Variants in ZNF143 observed in about 807,000 individuals in gnomAD.
The protein encoded by ZNF143 is zinc finger protein 143.
ZNF143 carries 49 observed loss-of-function variants against 74.1 expected under a neutral mutation model. The ratio of observed to expected loss-of-function variants is 0.66; its 90% confidence interval spans 0.53 to 0.84. ZNF143 has a LOEUF of 0.84. Ranked by LOEUF, ZNF143 falls within the 40% of genes least tolerant of loss-of-function variation. The pLI, the probability that ZNF143 is intolerant of heterozygous loss-of-function variation, is 0.00. For synonymous variants in ZNF143, 304 were observed against 282.8 expected, an observed-to-expected ratio of 1.07 and a Z score of -0.75; for missense variants, 637 against 793.4, an observed-to-expected ratio of 0.80 and a Z score of 2.37.
In ZNF143 at chr11:9,508,758, C is replaced by T. The variant is rs897152809; in HGVS notation, c.1287C>T (p.Ile429=). The change falls in exon 12 of 16, where the codon ATC becomes ATT. Residue 429 remains isoleucine, a synonymous_variant. Transcript: ENST00000396602. ...ACTGTGGGAAGACATACAAGCAGATCTCCACGCTGGCCATGCACAAACGGA... is the reference window on the plus strand; with the variant it reads ...ACTGTGGGAAGACATACAAGCAGATTTCCACGCTGGCCATGCACAAACGGA... ...CNHCGKTYKQ[I]STLAMHKRTA... 6.2e-7 allele frequency: 1 copy of T among 1,613,272 alleles called. No homozygotes were observed. The highest frequency in any genetic ancestry group is 8.5e-7 in the Non-Finnish European group (1 of 1,179,600).
chr11:9,484,532 A>G (rs1847379996), intron 7 of ZNF143, among the ~76,000 whole-genome samples: 1 of 149,316 alleles, frequency 6.7e-6, no homozygotes, highest in Non-Finnish European at 1.5e-5. Flanking sequence ...TGCTTTTCTA[A>G]GTCTCTTTTT....
intron 11 of ZNF143, among the ~76,000 whole-genome samples, chr11:9,502,756 A>G (rs1848213459): frequency 6.6e-6 from 1 of 151,368 alleles, no homozygotes; most frequent in Non-Finnish European, 1.5e-5. Context: ...CCCGCCCCCC[A>G]GGTGTAAGCA....
At chr11:9,522,225 T>C (rs1333973207) in intron 14 of ZNF143, among the ~76,000 whole-genome samples, 1 of 151,834 alleles carries the variant, frequency 6.6e-6, no homozygotes, top group Non-Finnish European at 1.5e-5. Context: ...AAATAAGGAC[T>C]GGGCGCAGTG....
intron 11 of ZNF143, among the ~76,000 whole-genome samples, chr11:9,507,529 C>T (rs572329557): frequency 2.6e-5 from 4 of 152,326 alleles, no homozygotes; most frequent in Admixed American, 2.6e-4. Context: ...TTCTTCCCCT[C>T]ACTCTCGCCA....
chr11:9,472,911 ATTC>A, intron 3 of ZNF143, 142 bp downstream of exon 3: 1 of 420,318 alleles, frequency 2.4e-6, no homozygotes, highest in East Asian at 3.9e-5. Flanking sequence ...TTTCAGTTTA[ATTC>A]TTTTTTTTTT....
Position 9,494,725 on chromosome 11 carries a change from A to T in ZNF143, c.725A>T (p.Asp242Val), listed in dbSNP as rs1453736651. ...SGEKAFRCEYDGCGKLYTTAH... is the reference protein window; with the variant it reads ...SGEKAFRCEYVGCGKLYTTAH... ...GAGAAGGCATTTCGATGTGAATATG[A>T]TGGATGTGGAAAATTATATACAACA... is the stretch of plus-strand genomic sequence containing the variant. The change falls in exon 8 of 16, where the codon GAT (aspartate) becomes GTT (valine). Residue 242 changes from aspartate to valine, a missense_variant. Physicochemically the swap from Asp to Val is radical, Grantham distance 152. This residue lies in a region of ZNF143 where 293 missense variants were observed against 307.8 expected (regional missense o/e 0.95). Coordinates refer to ENST00000396602, the MANE Select transcript of ZNF143 (RefSeq NM_003442.6). 6.2e-7 allele frequency: 1 copy of T among 1,613,218 alleles called. No individual in the cohort carries two copies. Among genetic ancestry groups the T allele is most frequent in the Non-Finnish European group, 8.5e-7 (1 of 1,179,148 alleles).
intron 1 of ZNF143, among the ~76,000 whole-genome samples, chr11:9,462,411 AT>A (rs906871286): frequency 2.6e-5 from 4 of 152,066 alleles, no homozygotes; most frequent in African/African-American, 7.2e-5. Context: ...TACAAAAAAA[AT>A]TTTTTTTAAG....
At chr11:9,492,162 G>A (rs1415053351) in intron 7 of ZNF143, among the ~76,000 whole-genome samples, 1 of 146,484 alleles carries the variant, frequency 6.8e-6, no homozygotes, top group Non-Finnish European at 1.5e-5. Flanking sequence ...CCAGGCTGGA[G>A]TGCAGTGGCG....
intron 14 of ZNF143, among the ~76,000 whole-genome samples, chr11:9,521,939 G>A (rs1421613911): frequency 6.6e-6 from 1 of 151,892 alleles, no homozygotes; most frequent in Non-Finnish European, 1.5e-5. Context: ...GGTGGCGCAT[G>A]CCAGTAGTCC....
chr11:9,492,936 A>G (rs1847833251), intron 7 of ZNF143, among the ~76,000 whole-genome samples: 1 of 152,214 alleles, frequency 6.6e-6, no homozygotes, highest in Non-Finnish European at 1.5e-5. Context: ...GTTTGGAATG[A>G]TGACAACAGG....
intron 12 of ZNF143, among the ~76,000 whole-genome samples, chr11:9,509,257 T>A (rs539946853): frequency 1.3e-5 from 2 of 152,154 alleles, no homozygotes; most frequent in Admixed American, 6.6e-5. Flanking sequence ...CAGTTCTGCC[T>A]GGGAAGGTGA....
At chr11:9,510,198 C>T (rs1848493056) in intron 12 of ZNF143, among the ~76,000 whole-genome samples, 1 of 151,254 alleles carries the variant, frequency 6.6e-6, no homozygotes, top group Non-Finnish European at 1.5e-5. Context: ...GATCTCGGCT[C>T]ACTGCAAGCT....
intron 5 of ZNF143, 113 bp downstream of exon 5, chr11:9,474,746 CATTA>C (rs1478863178): frequency 5.6e-5 from 61 of 1,098,936 alleles, no homozygotes; most frequent in Non-Finnish European, 7.7e-5. Context: ...TGTATTTATT[CATTA>C]AAGTACAAGG....
chr11:9,491,516 C>T (rs1847775915), intron 7 of ZNF143, among the ~76,000 whole-genome samples: 1 of 151,804 alleles, frequency 6.6e-6, no homozygotes. Context: ...GCGGGCGCCT[C>T]TAGTCCCAGC....
In ZNF143 at chr11:9,489,636, T is replaced by G. The variant is rs949169519; in HGVS notation, c.646-5010T>G. Among the ~76,000 whole-genome samples the G allele has an allele frequency of 1.2e-4, 18 of 152,302 alleles. No homozygotes were observed. In the South Asian group the frequency reaches 3.5e-3, roughly 30 times the overall value. Reference sequence around the variant, plus strand: ...AATAGAATAACAGAAAAGATTCAGATATGAGTCTCTCTGGAGTTATTTGCT... The same window carrying G: ...AATAGAATAACAGAAAAGATTCAGAGATGAGTCTCTCTGGAGTTATTTGCT... On this transcript the variant is annotated intron_variant, in intron 7 of 15. Coordinates refer to ENST00000396602, the MANE Select transcript of ZNF143 (RefSeq NM_003442.6).
At position 9,522,119 on chromosome 11, in the gene ZNF143, T is replaced by C. The variant is rs1848953994; in HGVS notation, c.1687-3121T>C. Among the ~76,000 whole-genome samples, 3 of 147,978 alleles carry C rather than the reference T, an allele frequency of 2.0e-5. No individual in the cohort carries two copies. In the South Asian group the frequency reaches 6.4e-4, roughly 32 times the overall value. ...AGGTAAAGCAATTCTTAGAGGAAAA[T>C]TTCTTTTAAATGCTTGTATTGGAAA... On this transcript the variant is annotated intron_variant, in intron 14 of 15. Coordinates refer to ENST00000396602, the MANE Select transcript of ZNF143 (RefSeq NM_003442.6).
At chr11:9,480,111 C>T (rs1270516846) in intron 7 of ZNF143, among the ~76,000 whole-genome samples, 1 of 152,174 alleles carries the variant, frequency 6.6e-6, no homozygotes, top group Non-Finnish European at 1.5e-5. Context: ...AAATGTTCAC[C>T]CTGGGTCCAG....
chr11:9,472,900 A>G (rs1159282469), intron 3 of ZNF143, 131 bp downstream of exon 3: 2 of 458,084 alleles, frequency 4.4e-6, no homozygotes, highest in African/African-American at 4.2e-5. Context: ...ATTTTAAGTC[A>G]TTTCAGTTTA....
intron 7 of ZNF143, among the ~76,000 whole-genome samples, chr11:9,482,613 G>A (rs945041660): frequency 6.7e-6 from 1 of 150,238 alleles, no homozygotes; most frequent in South Asian, 2.1e-4. Context: ...TTACCATTTG[G>A]TATTGGTACC....
Sources: allele counts gnomAD v4.1 joint callset (sites outside exome capture counted in the v4.1 genomes callset), GRCh38; gene constraint gnomAD v4.1.1; regional missense constraint gnomAD v4.1.1; transcripts MANE v1.5; gene names NCBI Gene and HGNC (gene_info 2026-07-23, HGNC 2026-07-21).